Variants in RORB observed in about 807,000 individuals in gnomAD.
RORB encodes RAR related orphan receptor B.
RORB carries 6 observed loss-of-function variants against 59.1 expected under a neutral mutation model. The observed-to-expected ratio is 0.10, with a 90% CI of 0.06 to 0.20. The LOEUF is 0.20. RORB is among the 10% of genes least tolerant of loss of function. RORB has a pLI of 1.00. For synonymous variants in RORB, 215 were observed against 204.5 expected (o/e 1.05, Z -0.44); for missense variants, 320 against 560.5 (o/e 0.57, Z 4.33).
chr9:74,664,084 T>C (rs1824231194), intron 6 of RORB, among the ~76,000 whole-genome samples: 1 of 152,170 alleles, frequency 6.6e-6, no homozygotes, highest in Non-Finnish European at 1.5e-5. Context: ...TCTGACCCTC[T>C]TTGAAAAGTG....
chr9:74,500,353 T>C (rs1225615279), intron 1 of RORB, among the ~76,000 whole-genome samples: 1 of 152,138 alleles, frequency 6.6e-6, no homozygotes, highest in Non-Finnish European at 1.5e-5. Context: ...TCCGTAAGAA[T>C]GGGATTGAGA....
rs1159043318 is a variant in RORB, at chr9:74,530,371, C to A, written c.7+32388C>A. 2.6e-5 allele frequency among the ~76,000 whole-genome samples: 4 copies of A among 151,996 alleles called. No individual in the cohort carries two copies. The East Asian group carries it at 5.8e-4, about 22-fold the overall frequency. On this transcript the variant is annotated intron_variant, in intron 1 of 9. Transcript: ENST00000376896. ...GAAGCCAGTATCTGTAAAGGTGACACTGGTCATGTTATGGATGCTGCTGTG... is the reference window on the plus strand; with the variant it reads ...GAAGCCAGTATCTGTAAAGGTGACAATGGTCATGTTATGGATGCTGCTGTG...
rs368038742 is a variant in RORB at position 74,679,476 on chromosome 9, A to C, written c.1225-5987A>C. Among the ~76,000 whole-genome samples the C allele has an allele frequency of 6.1e-4, 93 of 152,300 alleles. 1 individual carries two copies. The highest frequency in any genetic ancestry group is 2.0e-3 in the African/African-American group (84 of 41,566). On this transcript the variant is annotated intron_variant, in intron 9 of 9. Transcript: ENST00000376896. ...ATGCAAGAATAGGCAAAATTATAGA[A>C]AACAGTTCAACAGATCCCCCAAGTT... is the stretch of plus-strand genomic sequence containing the variant.
intron 1 of RORB, among the ~76,000 whole-genome samples, chr9:74,522,971 G>C (rs904911713): frequency 6.6e-6 from 1 of 151,814 alleles, no homozygotes; most frequent in African/African-American, 2.4e-5. Context: ...GGATAGGGAT[G>C]GTGCCACTTG....
At chr9:74,506,903 TAA>T (rs1825877748) in intron 1 of RORB, among the ~76,000 whole-genome samples, 3 of 152,134 alleles carry the variant, frequency 2.0e-5, no homozygotes, top group African/African-American at 7.2e-5. Flanking sequence ...GTGGCTATGG[TAA>T]TTCCAGATTT....
chr9:74,529,776 T>A (rs151179661), intron 1 of RORB, among the ~76,000 whole-genome samples: 76 of 151,992 alleles, frequency 5.0e-4, no homozygotes, highest in African/African-American at 1.7e-3. Flanking sequence ...AGCTCCCTGG[T>A]TTCTGTCCTA....
chr9:74,636,673 AGACAATCCTGAGGCTGCCGGG>A (rs1467288427), intron 3 of RORB, among the ~76,000 whole-genome samples: 1 of 152,130 alleles, frequency 6.6e-6, no homozygotes, highest in African/African-American at 2.4e-5. Context: ...TTAGGTCCAG[AGACAATCCTGAGGCTGCCGGG>A]GACATCTTCA....
intron 1 of RORB, among the ~76,000 whole-genome samples, chr9:74,506,228 G>A (rs993173101): frequency 1.3e-5 from 2 of 151,866 alleles, no homozygotes; most frequent in Non-Finnish European, 2.9e-5. Context: ...GTATCTGAAG[G>A]CCACAATGAT....
At chr9:74,548,779 A>G (rs1489161716) in intron 1 of RORB, among the ~76,000 whole-genome samples, 1 of 152,130 alleles carries the variant, frequency 6.6e-6, no homozygotes, top group African/African-American at 2.4e-5. Flanking sequence ...TTCCAGCCTT[A>G]TTTTCTATAC....
At chr9:74,527,667 G>A (rs1004173853) in intron 1 of RORB, among the ~76,000 whole-genome samples, 60 of 152,026 alleles carry the variant, frequency 3.9e-4, no homozygotes, top group African/African-American at 1.2e-3. Flanking sequence ...ACAACCGTCC[G>A]CAATTCATGT....
In RORB at chr9:74,686,489, T is replaced by C. The variant is rs1468847810; in HGVS notation, c.*871T>C. 1 of 152,268 alleles carries C rather than the reference T, an allele frequency of 6.6e-6. No homozygotes were observed. The highest frequency in any genetic ancestry group is 1.5e-5 in the Non-Finnish European group (1 of 68,044). The allele number at this position is 152,268 out of a possible 1,614,324, so 9.4% of individuals were successfully genotyped here. A position where few individuals can be genotyped will look rare whatever the true frequency, so the allele number is the denominator to read the frequency against. The stretch of plus-strand genomic sequence containing the variant: ...AACATTGCAAGGTCCAAGACTTTTT[T>C]GACCAAACAGTAGATATTTTCTATT... On this transcript the variant is annotated 3_prime_UTR_variant, in exon 10 of 10. Coordinates refer to ENST00000376896, the MANE Select transcript of RORB (RefSeq NM_006914.4).
chr9:74,662,322 A>T, intron 5 of RORB, 152 bp from the exon 6 acceptor site: 1 of 715,530 alleles, frequency 1.4e-6, no homozygotes, highest in Non-Finnish European at 2.3e-6. Flanking sequence ...GAAAAAAAAT[A>T]AAAGTAGTGC....
chr9:74,674,264 C>T (rs768389910), intron 9 of RORB, among the ~76,000 whole-genome samples: 4 of 152,180 alleles, frequency 2.6e-5, no homozygotes, highest in Non-Finnish European at 4.4e-5. Flanking sequence ...CTGCCTTCCA[C>T]AATACCTCTA....
intron 1 of RORB, among the ~76,000 whole-genome samples, chr9:74,615,870 C>T (rs1823304970): frequency 1.3e-5 from 2 of 152,094 alleles, no homozygotes; most frequent in South Asian, 4.1e-4. Flanking sequence ...GAGTGAACTA[C>T]CAAATGCATA....
chr9:74,529,100 C>A (rs886535691), intron 1 of RORB, among the ~76,000 whole-genome samples: 9 of 151,980 alleles, frequency 5.9e-5, no homozygotes, highest in African/African-American at 1.9e-4. Context: ...TTGCAAGGAC[C>A]AAATATTTCA....
chr9:74,520,064 G>GA (rs1050264951), intron 1 of RORB, among the ~76,000 whole-genome samples: 5 of 149,976 alleles, frequency 3.3e-5, no homozygotes, highest in African/African-American at 7.4e-5. Flanking sequence ...GAGAGAGAAG[G>GA]AAAAAAAATA....
intron 1 of RORB, among the ~76,000 whole-genome samples, chr9:74,598,691 G>A (rs1823009906): frequency 6.6e-6 from 1 of 151,880 alleles, no homozygotes; most frequent in Non-Finnish European, 1.5e-5. Context: ...TGTGCAATTG[G>A]TATAATAATA....
chr9:74,538,887 C>A (rs1826363045), intron 1 of RORB, among the ~76,000 whole-genome samples: 2 of 152,158 alleles, frequency 1.3e-5, no homozygotes, highest in Admixed American at 1.3e-4. Flanking sequence ...ATTCACTCAA[C>A]TTCCCTGATC....
At position 74,642,536 on chromosome 9, in the gene RORB, A is replaced by G; in HGVS notation, c.358A>G (p.Arg120Gly). 1.9e-6 allele frequency: 3 copies of G among 1,614,248 alleles called. No homozygotes were observed. In the South Asian group the frequency reaches 3.3e-5, roughly 18 times the overall value. Residue 120 changes from arginine to glycine, a missense_variant, in exon 4 of 10, where the codon AGG (arginine) becomes GGG (glycine). By Grantham distance (125) the Arg-to-Gly change is moderately radical (BLOSUM62 -2). Around this residue, in one of 4 missense-constraint regions of RORB, gnomAD observed 134 missense variants for 156.2 expected, o/e 0.86. Transcript: ENST00000376896. ...GAGTGGGGAGGCAGAAGCCCTTGCC[A>G]GGGTGTACAGCAGCAGCATTAGCAA... ...QQSGEAEALA[R>G]VYSSSISNGL...
Sources: allele counts gnomAD v4.1 joint callset (sites outside exome capture counted in the v4.1 genomes callset), GRCh38; gene constraint gnomAD v4.1.1; regional missense constraint gnomAD v4.1.1; transcripts MANE v1.5; gene names NCBI Gene and HGNC (gene_info 2026-07-23, HGNC 2026-07-21).